Variants in DIAPH2 observed in about 807,000 individuals in gnomAD.
The protein encoded by DIAPH2 is protein diaphanous homolog 2.
In DIAPH2, 35 loss-of-function variants were observed where a neutral mutation model predicts 92.7. The ratio of observed to expected loss-of-function variants is 0.38; its 90% confidence interval spans 0.29 to 0.50. The LOEUF is 0.50. Among genes scored for constraint, DIAPH2 ranks in the 20% least tolerant of loss-of-function variants. The pLI is 0.94. For missense variants in DIAPH2, 701 were observed against 819.5 expected (o/e 0.86, Z 1.77); for synonymous variants, 301 against 280.4 (o/e 1.07, Z -0.73).
At chrX:97,482,540 G>C (rs999488382) in intron 26 of DIAPH2, among the ~76,000 whole-genome samples, 1 of 111,644 alleles carries the variant, frequency 9.0e-6, no homozygotes, top group Non-Finnish European at 1.9e-5. Context: ...CCAACAGCAG[G>C]GGGGAGAATT....
intron 26 of DIAPH2, among the ~76,000 whole-genome samples, chrX:97,466,488 A>G (rs1481908797): frequency 1.8e-5 from 2 of 111,478 alleles, no homozygotes; most frequent in East Asian, 5.6e-4. Context: ...ACAGAATTCT[A>G]TCTCACATCT....
At chrX:97,483,399 AAGAGAG>A in intron 26 of DIAPH2, among the ~76,000 whole-genome samples, 1 of 106,917 alleles carries the variant, frequency 9.4e-6, no homozygotes, top group South Asian at 4.2e-4. Flanking sequence ...AAGGGGGCAA[AAGAGAG>A]AGAGAGAGAA....
At chrX:97,524,942 A>G (rs997863800) in intron 26 of DIAPH2, among the ~76,000 whole-genome samples, 3 of 112,241 alleles carry the variant, frequency 2.7e-5, no homozygotes, top group Admixed American at 1.9e-4. Flanking sequence ...CTGCTGGACA[A>G]TTCTACCTAG....
At chrX:97,064,940 C>T (rs5921281) in intron 17 of DIAPH2, among the ~76,000 whole-genome samples, 41,785 of 109,605 alleles carry the variant, frequency 0.38, 6,233 homozygotes, top group Non-Finnish European at 0.47. Context: ...GGTTAATGTA[C>T]GTAGCATTAA....
chrX:97,477,600 G>A (rs1265964451), intron 26 of DIAPH2, among the ~76,000 whole-genome samples: 13 of 102,751 alleles, frequency 1.3e-4, no homozygotes, highest in Admixed American at 6.4e-4. Context: ...GCAAGACTCC[G>A]TCTAAAAAAA....
At chrX:97,080,696 C>T (rs764696714) in intron 19 of DIAPH2, among the ~76,000 whole-genome samples, 29 of 111,575 alleles carry the variant, frequency 2.6e-4, no homozygotes, top group Admixed American at 2.6e-3. Context: ...CTAGTCCATT[C>T]CCCTGATTCC....
rs56998803 is a variant in DIAPH2, at chrX:96,787,686, CTT to C, written c.447+29449_447+29450del. Reference sequence around the variant, plus strand: ...AGGATGGTAGACATTACTCTTTTCTCTTTTTTTTTTTTTTTTTTTTTTGAGAC... The same window carrying C: ...AGGATGGTAGACATTACTCTTTTCTCTTTTTTTTTTTTTTTTTTTTGAGAC... On this transcript the variant is annotated intron_variant, in intron 4 of 26. Transcript: ENST00000324765. Among the ~76,000 whole-genome samples, 284 of 54,701 alleles carry C rather than the reference CTT, an allele frequency of 5.2e-3. 1 individual carries two copies. Among genetic ancestry groups the C allele is most frequent in the Middle Eastern group, 0.013 (1 of 78 alleles). 47.5% of individuals were successfully genotyped at this position (54,701 alleles called of 115,157 possible).
chrX:97,451,919 C>T (rs1311094420), intron 26 of DIAPH2, among the ~76,000 whole-genome samples: 1 of 111,525 alleles, frequency 9.0e-6, no homozygotes, highest in Non-Finnish European at 1.9e-5. Flanking sequence ...TTTATGACTA[C>T]ATCTATACTG....
At chrX:96,926,353 A>G (rs878908184) in intron 9 of DIAPH2, among the ~76,000 whole-genome samples, 1 of 111,971 alleles carries the variant, frequency 8.9e-6, no homozygotes, top group Non-Finnish European at 1.9e-5. Context: ...TTATGCCAAT[A>G]AAATTGGAAA....
chrX:97,276,159 C>T (rs928458868), intron 23 of DIAPH2, among the ~76,000 whole-genome samples: 3 of 107,847 alleles, frequency 2.8e-5, no homozygotes, highest in Non-Finnish European at 3.9e-5. Flanking sequence ...TGCCTGCAGT[C>T]GCAGGCACTC....
chrX:97,207,353 T>A (rs759986600), intron 22 of DIAPH2, among the ~76,000 whole-genome samples: 24 of 111,970 alleles, frequency 2.1e-4, no homozygotes, highest in Non-Finnish European at 4.1e-4. Flanking sequence ...TTTTAGGGAT[T>A]TTATGGACAT....
intron 1 of DIAPH2, among the ~76,000 whole-genome samples, chrX:96,711,066 A>G (rs1322822379): frequency 1.8e-5 from 2 of 111,923 alleles, no homozygotes; most frequent in South Asian, 3.7e-4. Context: ...TACATAACAC[A>G]TTTGCTTTAT....
rs187961779 is a variant in DIAPH2 at position 97,165,624 on chromosome X, G to C, written c.2719+23830G>C. The stretch of plus-strand genomic sequence containing the variant: ...TTCTCCTGCCTCAGCCTCCCAAGTA[G>C]CTGGGACTACAGGCACGTGCCACCA... On this transcript the variant is annotated intron_variant, in intron 22 of 26. Transcript: ENST00000324765. Among the ~76,000 whole-genome samples, 12 of 108,934 alleles carry C rather than the reference G, an allele frequency of 1.1e-4. No individual in the cohort carries two copies. The East Asian group carries it at 3.5e-3, about 32-fold the overall frequency. The allele number at this position is 108,934 out of a possible 115,157, so 94.6% of individuals were successfully genotyped here. A position where few individuals can be genotyped will look rare whatever the true frequency, so the allele number is the denominator to read the frequency against.
chrX:97,235,316 A>G (rs2068039135), intron 22 of DIAPH2, among the ~76,000 whole-genome samples: 1 of 111,865 alleles, frequency 8.9e-6, no homozygotes, highest in Non-Finnish European at 1.9e-5. Flanking sequence ...TTTGAAAACA[A>G]CCTTTGTGGC....
chrX:97,021,813 T>C (rs1042544200), intron 17 of DIAPH2, among the ~76,000 whole-genome samples: 2 of 111,631 alleles, frequency 1.8e-5, no homozygotes, highest in African/African-American at 6.5e-5. Flanking sequence ...TACACTATAG[T>C]TCCCATTCAG....
chrX:96,779,740 A>G (rs1238440709), intron 4 of DIAPH2, among the ~76,000 whole-genome samples: 1 of 111,988 alleles, frequency 8.9e-6, no homozygotes, highest in African/African-American at 3.2e-5. Flanking sequence ...GTTTTCTAAA[A>G]ACAAAAAAAT....
chrX:96,918,555 A>G lies in DIAPH2; in HGVS notation c.916A>G (p.Asn306Asp). The change falls in exon 9 of 27, where the codon AAC becomes GAC. Residue 306 changes from asparagine (N) to aspartate (D), a missense_variant. Physicochemically the swap from Asn to Asp is conservative, Grantham distance 23. This residue lies in a region of DIAPH2 where 536 missense variants were observed against 599.3 expected (regional missense o/e 0.89). Transcript: ENST00000324765. ...GAITTAAERN[N>D]RERFSPIVEG... ...TATAACAACAGCAGCAGAAAGAAAT[A>G]ACAGGGAACGATTTTCACCAATTGT... is the stretch of plus-strand genomic sequence containing the variant. The G allele has an allele frequency of 8.3e-7, 1 of 1,207,867 alleles. No individual in the cohort carries two copies.
intron 9 of DIAPH2, among the ~76,000 whole-genome samples, chrX:96,924,077 G>A (rs2065563900): frequency 9.0e-6 from 1 of 111,724 alleles, no homozygotes; most frequent in Non-Finnish European, 1.9e-5. Flanking sequence ...AGCCATTAAT[G>A]TACTCAGACC....
At chrX:96,891,027 C>G (rs233211) in intron 5 of DIAPH2, among the ~76,000 whole-genome samples, 11 of 111,163 alleles carry the variant, frequency 9.9e-5, no homozygotes, top group African/African-American at 3.3e-4. Flanking sequence ...TTATTTGTCT[C>G]GTGGTGGCTG....
Sources: allele counts gnomAD v4.1 joint callset (sites outside exome capture counted in the v4.1 genomes callset), GRCh38; gene constraint gnomAD v4.1.1; regional missense constraint gnomAD v4.1.1; transcripts MANE v1.5; gene names NCBI Gene and HGNC (gene_info 2026-07-23, HGNC 2026-07-21).